Variants in UBE2W observed in about 807,000 individuals in gnomAD.
The protein encoded by UBE2W is ubiquitin conjugating enzyme E2 W, also known as ubiquitin-conjugating enzyme E2 W.
In UBE2W, 18 loss-of-function variants were observed where a neutral mutation model predicts 27.2. That is an observed-to-expected ratio of 0.66 (90% CI 0.46 to 0.98). The LOEUF is 0.98. UBE2W is among the 50% of genes least tolerant of loss of function. The probability of loss-of-function intolerance (pLI) is 0.00; values close to 1 mark genes in which losing one functional copy is unlikely to be tolerated. For missense variants in UBE2W, 90 were observed against 180.2 expected (o/e 0.50, Z 2.87); for synonymous variants, 53 against 57.2 (o/e 0.93, Z 0.33).
At chr8:73,855,250 T>G (rs1487827121) in intron 1 of UBE2W, among the ~76,000 whole-genome samples, 5 of 152,208 alleles carry the variant, frequency 3.3e-5, no homozygotes, top group Non-Finnish European at 7.3e-5. Flanking sequence ...GCAATTTAAA[T>G]GCGAGACAAA....
intron 5 of UBE2W, among the ~76,000 whole-genome samples, chr8:73,801,683 G>GT (rs1808651875): frequency 6.6e-6 from 1 of 151,892 alleles, no homozygotes; most frequent in Non-Finnish European, 1.5e-5. Flanking sequence ...GATTTTTTTT[G>GT]TTTGTTTTTT....
At chr8:73,805,465 AAAAAAAC>A (rs1433664734) in intron 5 of UBE2W, among the ~76,000 whole-genome samples, 179 bp downstream of exon 5, 2 of 135,854 alleles carry the variant, frequency 1.5e-5, no homozygotes, top group African/African-American at 5.4e-5. Flanking sequence ...AAAAAAAAAA[AAAAAAAC>A]AAAAAAAACT....
At chr8:73,863,469 C>A (rs535699154) in intron 1 of UBE2W, among the ~76,000 whole-genome samples, 3 of 149,624 alleles carry the variant, frequency 2.0e-5, no homozygotes, top group Non-Finnish European at 4.4e-5. Context: ...GGGAGATATA[C>A]CTAATGCTAG....
intron 5 of UBE2W, among the ~76,000 whole-genome samples, chr8:73,802,896 G>A (rs557742244): frequency 2.0e-5 from 3 of 152,196 alleles, no homozygotes; most frequent in Non-Finnish European, 4.4e-5. Context: ...GGTGGCGGGC[G>A]CCTGTAGTCC....
At chr8:73,870,337 G>T (rs1237114439) in intron 1 of UBE2W, 2 of 1,553,464 alleles carry the variant, frequency 1.3e-6, no homozygotes, top group African/African-American at 1.4e-5. Context: ...GTAACACATG[G>T]TCATAAAGGA....
At position 73,790,935 on chromosome 8, in the gene UBE2W, A is replaced by G. The variant is rs1808163675; in HGVS notation, c.*3167T>C. 2.0e-6 allele frequency: 2 copies of G among 981,258 alleles called. No individual in the cohort carries two copies. Among genetic ancestry groups the G allele is most frequent in the Non-Finnish European group, 2.4e-6 (2 of 826,248 alleles). The allele number at this position is 981,258 out of a possible 1,614,324, so 60.8% of individuals were successfully genotyped here. ...TCTAATGATATATATATTTGCATATATTTAAAATTTCATGAGGGAAAAGGT... is the reference window on the plus strand; with the variant it reads ...TCTAATGATATATATATTTGCATATGTTTAAAATTTCATGAGGGAAAAGGT... On this transcript the variant is annotated 3_prime_UTR_variant, in exon 6 of 6. Coordinates refer to ENST00000602593, the MANE Select transcript of UBE2W (RefSeq NM_018299.6).
At position 73,825,032 on chromosome 8, in the gene UBE2W, A is replaced by G. The variant is rs116802031; in HGVS notation, c.210+115T>C. Reference sequence around the variant, plus strand: ...ATTATATGACAAATAAGATAATGAAATAACAAATCCATCTACATACGTATA... The same window carrying G: ...ATTATATGACAAATAAGATAATGAAGTAACAAATCCATCTACATACGTATA... On this transcript the variant is annotated intron_variant, in intron 3 of 5. Coordinates refer to ENST00000602593, the MANE Select transcript of UBE2W (RefSeq NM_018299.6). The G allele has an allele frequency of 1.4e-3, 903 of 623,488 alleles. 8 individuals carry two copies. In the African/African-American group the frequency reaches 0.015, roughly 10 times the overall value. The allele number at this position is 623,488 out of a possible 1,614,324, so 38.6% of individuals were successfully genotyped here.
chr8:73,871,654 A>T (rs1397030608), intron 1 of UBE2W, among the ~76,000 whole-genome samples: 1 of 152,078 alleles, frequency 6.6e-6, no homozygotes, highest in Non-Finnish European at 1.5e-5. Flanking sequence ...GGACACTTTA[A>T]TACCTGACAA....
chr8:73,795,067 G>T (rs1388958934), intron 5 of UBE2W, among the ~76,000 whole-genome samples: 1 of 152,136 alleles, frequency 6.6e-6, no homozygotes, highest in Non-Finnish European at 1.5e-5. Flanking sequence ...TTCTGAGGAT[G>T]AGTTATTCTT....
chr8:73,790,252 A>T lies in UBE2W; in HGVS notation c.*3850T>A, dbSNP rs16938729. ...GCGGAAGACTGACACATTGGACATC[A>T]GTGGGAAGAGGCAGAAAAATAGGAA... On this transcript the variant is annotated 3_prime_UTR_variant, in exon 6 of 6. Transcript: ENST00000602593. 0.15 allele frequency: 145,113 copies of T among 985,080 alleles called. 16,437 individuals carry two copies. The highest frequency in any genetic ancestry group is 0.58 in the African/African-American group (32,934 of 57,186). The allele number at this position is 985,080 out of a possible 1,614,324, so 61.0% of individuals were successfully genotyped here.
intron 1 of UBE2W, among the ~76,000 whole-genome samples, chr8:73,855,777 C>T (rs986556363): frequency 3.1e-4 from 47 of 151,968 alleles, no homozygotes; most frequent in Admixed American, 3.1e-3. Flanking sequence ...AGTTTTGTTA[C>T]CTTCTGGACC....
At chr8:73,842,528 CA>C (rs759063478) in intron 1 of UBE2W, among the ~76,000 whole-genome samples, 104 of 9,648 alleles carry the variant, frequency 0.011, no homozygotes, top group Middle Eastern at 0.05. Flanking sequence ...GACTCCGTCT[CA>C]AAAAAAAAAA....
chr8:73,844,664 G>A (rs1227548399), intron 1 of UBE2W, among the ~76,000 whole-genome samples: 1 of 150,532 alleles, frequency 6.6e-6, no homozygotes, highest in Admixed American at 6.6e-5. Context: ...GAAGTCACAA[G>A]CGCCTCTTCC....
intron 4 of UBE2W, among the ~76,000 whole-genome samples, chr8:73,808,935 A>G (rs1311112406): frequency 6.6e-6 from 1 of 152,216 alleles, no homozygotes. Context: ...ATTTAAATGT[A>G]AATAAAATCT....
At chr8:73,819,162 T>TCAGTGAAATCTTTCC (rs1253270473) in intron 3 of UBE2W, among the ~76,000 whole-genome samples, 1 of 152,218 alleles carries the variant, frequency 6.6e-6, no homozygotes, top group Non-Finnish European at 1.5e-5. Context: ...TGTCACCTTC[T>TCAGTGAAATCTTTCC]CAGTGAAATC....
At chr8:73,851,254 T>C (rs572696989) in intron 1 of UBE2W, among the ~76,000 whole-genome samples, 1 of 152,072 alleles carries the variant, frequency 6.6e-6, no homozygotes, top group African/African-American at 2.4e-5. Context: ...AACAGGGTGG[T>C]AGCAGAACTG....
chr8:73,846,301 CAGG>C (rs1810795274), intron 1 of UBE2W, among the ~76,000 whole-genome samples: 1 of 152,114 alleles, frequency 6.6e-6, no homozygotes, highest in Non-Finnish European at 1.5e-5. Context: ...GAGGCTGAGG[CAGG>C]AGAATTGCTT....
At chr8:73,830,298 A>C (rs1400020219) in intron 2 of UBE2W, 83 bp downstream of exon 2, 3 of 974,038 alleles carry the variant, frequency 3.1e-6, no homozygotes, top group Non-Finnish European at 4.8e-6. Context: ...ATGTGAAAAT[A>C]ATTTTGTAGT....
chr8:73,842,589 AT>A (rs1353907971), intron 1 of UBE2W, among the ~76,000 whole-genome samples: 8 of 151,424 alleles, frequency 5.3e-5, no homozygotes, highest in Admixed American at 2.0e-4. Context: ...GACAAAAAAA[AT>A]AATAAAGAAC....
Sources: gnomAD v4.1 joint callset for allele counts (sites outside exome capture counted in the v4.1 genomes callset) on GRCh38, gnomAD v4.1.1 for gene constraint, MANE v1.5 for transcripts, NCBI Gene and HGNC (gene_info 2026-07-23, HGNC 2026-07-21) for gene names.